The following EHD4 variants were observed in gnomAD, a reference collection of about 807,000 sequenced individuals.
EHD4 encodes EH domain-containing protein 4.
A neutral mutation model predicts 51.0 loss-of-function variants in EHD4; 37 were observed. The ratio of observed to expected loss-of-function variants is 0.73; its 90% CI spans 0.56 to 0.95. The LOEUF is 0.95. Ranked by LOEUF, EHD4 falls within the 40% of genes least tolerant of loss-of-function variation. The pLI is 0.00. For synonymous variants in EHD4, 297 were observed against 317.3 expected (o/e 0.94, Z 0.68); for missense variants, 632 against 733.1 (o/e 0.86, Z 1.59).
At chr15:41,914,839 G>A (rs913617956) in intron 4 of EHD4, among the ~76,000 whole-genome samples, 12 of 148,440 alleles carry the variant, frequency 8.1e-5, no homozygotes, top group African/African-American at 3.0e-4. Flanking sequence ...AGGCTGGAGT[G>A]CAGTGGCACG....
intron 4 of EHD4, among the ~76,000 whole-genome samples, chr15:41,913,092 A>G (rs1056489709): frequency 6.6e-6 from 1 of 152,186 alleles, no homozygotes; most frequent in African/African-American, 2.4e-5. Context: ...CTTTCCCCAC[A>G]CATCAAACAC....
intron 1 of EHD4, among the ~76,000 whole-genome samples, chr15:41,961,466 G>GA (rs2067923942): frequency 6.6e-6 from 1 of 152,188 alleles, no homozygotes; most frequent in Admixed American, 6.5e-5. Context: ...CTTTGATCTG[G>GA]GAGTACTGTA....
intron 4 of EHD4, among the ~76,000 whole-genome samples, chr15:41,918,217 T>TACACACACACAC (rs10682608): frequency 0.015 from 2,234 of 147,350 alleles, 22 homozygotes; most frequent in South Asian, 0.036. Context: ...CAGGGAGCTT[T>TACACACACACAC]ACACACACAC....
At chr15:41,950,564 CCTAA>C (rs2067846331) in intron 2 of EHD4, among the ~76,000 whole-genome samples, 2 of 152,272 alleles carry the variant, frequency 1.3e-5, no homozygotes, top group East Asian at 1.9e-4. Context: ...ATTTGAACGC[CCTAA>C]CTAATTGACT....
At chr15:41,922,390 A>G (rs770342848) in intron 3 of EHD4, among the ~76,000 whole-genome samples, 44 of 152,174 alleles carry the variant, frequency 2.9e-4, no homozygotes, top group Non-Finnish European at 8.8e-5. Context: ...TGTCACAAAA[A>G]CAAAACAAAA....
intron 4 of EHD4, among the ~76,000 whole-genome samples, chr15:41,918,632 T>G (rs747000400): frequency 1.4e-4 from 21 of 152,196 alleles, no homozygotes; most frequent in Non-Finnish European, 2.8e-4. Flanking sequence ...AGCCCAGGCA[T>G]GCAGGCTAAC....
At chr15:41,927,838 C>T (rs1176723535) in intron 3 of EHD4, among the ~76,000 whole-genome samples, 4 of 152,128 alleles carry the variant, frequency 2.6e-5, no homozygotes, top group Admixed American at 1.3e-4. Context: ...GGGTAGATTT[C>T]GTTAAGTGTT....
At chr15:41,953,700 T>C in intron 2 of EHD4, 64 bp downstream of exon 2, 2 of 1,494,558 alleles carry the variant, frequency 1.3e-6, no homozygotes, top group Non-Finnish European at 1.8e-6. Context: ...TATATGTAAC[T>C]GGCAGTAATT....
At chr15:41,942,574 G>T in intron 3 of EHD4, 1 of 158,326 alleles carries the variant, frequency 6.3e-6, no homozygotes, top group Non-Finnish European at 1.4e-5. Context: ...CAAAGCACAG[G>T]CCTAGAAGCA....
intron 4 of EHD4, among the ~76,000 whole-genome samples, chr15:41,917,056 C>T (rs577406978): frequency 2.9e-4 from 44 of 152,256 alleles, no homozygotes; most frequent in African/African-American, 1.0e-3. Flanking sequence ...GGAAGCTCTA[C>T]GGGTTAAGGC....
At chr15:41,902,552 C>T (rs931007773) in intron 5 of EHD4, among the ~76,000 whole-genome samples, 4 of 151,886 alleles carry the variant, frequency 2.6e-5, no homozygotes, top group Non-Finnish European at 5.9e-5. Flanking sequence ...CTTGACATAA[C>T]ACAGTGAAAA....
At chr15:41,913,595 T>C (rs2067563996) in intron 4 of EHD4, among the ~76,000 whole-genome samples, 1 of 152,212 alleles carries the variant, frequency 6.6e-6, no homozygotes, top group Non-Finnish European at 1.5e-5. Context: ...AGGTCATGTA[T>C]TTGAATGCAC....
intron 1 of EHD4, among the ~76,000 whole-genome samples, chr15:41,962,467 CTT>C (rs2067930445): frequency 3.3e-5 from 5 of 150,622 alleles, no homozygotes; most frequent in African/African-American, 1.2e-4. Context: ...TATTTAATAA[CTT>C]AGCGTATGAG....
chr15:41,905,294 G>C (rs1313865327), intron 5 of EHD4, among the ~76,000 whole-genome samples: 1 of 152,208 alleles, frequency 6.6e-6, no homozygotes, highest in Non-Finnish European at 1.5e-5. Context: ...GATGTGACTG[G>C]GCCTCAGCCT....
At chr15:41,965,476 T>C (rs142861935) in intron 1 of EHD4, among the ~76,000 whole-genome samples, 199 of 152,350 alleles carry the variant, frequency 1.3e-3, no homozygotes, top group African/African-American at 4.4e-3. Context: ...GCTAGCCCTC[T>C]TCCATTCCTC....
At chr15:41,963,535 G>A (rs1361429702) in intron 1 of EHD4, among the ~76,000 whole-genome samples, 1 of 151,086 alleles carries the variant, frequency 6.6e-6, no homozygotes, top group East Asian at 1.9e-4. Flanking sequence ...GAAGGTGGAG[G>A]TTGCAGTGAG....
chr15:41,968,111 T>C lies in EHD4; in HGVS notation c.236+4148A>G, dbSNP rs114825752. Among the ~76,000 whole-genome samples, 949 of 152,194 alleles carry C rather than the reference T, an allele frequency of 6.2e-3. 11 individuals carry two copies. Among genetic ancestry groups the C allele is most frequent in the African/African-American group, 0.022 (919 of 41,540 alleles). ...GATCACTTCCTGATTCTTGTTCTTG[T>C]TCTAATCATACCTTAAAAGGCTTTT... On this transcript the variant is annotated intron_variant, in intron 1 of 5. Transcript: ENST00000220325.
chr15:41,900,957 G>T lies in EHD4; in HGVS notation c.1314C>A (p.Asp438Glu). ...GYGEGAKEGA[D>E]EEEWVVAKDK... ...CTTTGGCCACGACCCACTCCTCCTC[G>T]TCGGCGCCCTCCTTGGCACCCTCCC... Residue 438 changes from aspartate (D) to glutamate (E), a missense_variant, in exon 6 of 6, where the codon GAC becomes GAA. Physicochemically the swap from Asp to Glu is conservative, Grantham distance 45. Transcript: ENST00000220325. The surrounding 1 kb of genome is among the most constrained non-coding windows in gnomAD (Gnocchi z 4.8). 6.2e-7 allele frequency: 1 copy of T among 1,613,000 alleles called. No homozygotes were observed. Among genetic ancestry groups the T allele is most frequent in the Non-Finnish European group, 8.5e-7 (1 of 1,179,130 alleles).
At chr15:41,930,673 G>C (rs2067692332) in intron 3 of EHD4, among the ~76,000 whole-genome samples, 1 of 152,190 alleles carries the variant, frequency 6.6e-6, no homozygotes, top group Non-Finnish European at 1.5e-5. Flanking sequence ...GTGGACAACA[G>C]CTGGCACTGC....
Sources: gnomAD v4.1 joint callset for allele counts (sites outside exome capture counted in the v4.1 genomes callset) on GRCh38, gnomAD v4.1.1 for gene constraint, Gnocchi (gnomAD v3.1) non-coding constraint, MANE v1.5 for transcripts, NCBI Gene and HGNC (gene_info 2026-07-23, HGNC 2026-07-21) for gene names.